FAM20B: variants seen among roughly 807,000 people sequenced by gnomAD.
FAM20B encodes the protein FAM20B glycosaminoglycan xylosylkinase.
In FAM20B, 23 loss-of-function variants were observed where a neutral mutation model predicts 43.8. The ratio of observed to expected loss-of-function variants is 0.53; its 90% CI spans 0.38 to 0.74. The LOEUF is 0.74. Ranked by LOEUF, FAM20B falls within the 30% of genes least tolerant of loss-of-function variation. The pLI is 0.00. For synonymous variants in FAM20B, 178 were observed against 192.4 expected, an observed-to-expected ratio of 0.93 and a Z score of 0.62; for missense variants, 440 against 510.5, an observed-to-expected ratio of 0.86 and a Z score of 1.33.
At chr1:179,060,701 C>T (rs1414499370) in intron 4 of FAM20B, among the ~76,000 whole-genome samples, 4 of 152,044 alleles carry the variant, frequency 2.6e-5, no homozygotes, top group Non-Finnish European at 5.9e-5. Context: ...TTGGGGACCA[C>T]CCATATATAT....
intron 1 of FAM20B, among the ~76,000 whole-genome samples, chr1:179,026,350 C>T (rs980536165): frequency 6.6e-6 from 1 of 152,000 alleles, no homozygotes; most frequent in Admixed American, 6.5e-5. Context: ...TCCCTGTGTG[C>T]GGTCGCGGCT....
chr1:179,053,221 A>G (rs145255080), intron 3 of FAM20B, among the ~76,000 whole-genome samples: 3 of 152,230 alleles, frequency 2.0e-5, no homozygotes, highest in South Asian at 2.1e-4. Flanking sequence ...GTGCCACAGT[A>G]ACATTGCCCC....
chr1:179,025,446 C>G (rs1649713027), upstream of FAM20B, among the ~76,000 whole-genome samples: 2 of 152,194 alleles, frequency 1.3e-5, no homozygotes, highest in African/African-American at 4.8e-5. Context: ...AAGTTCCGAG[C>G]AGAAGTCAAG....
chr1:179,055,563 T>C (rs1424304400), intron 4 of FAM20B, among the ~76,000 whole-genome samples: 1 of 152,194 alleles, frequency 6.6e-6, no homozygotes, highest in African/African-American at 2.4e-5. Context: ...GTATCAGATA[T>C]TTGTTTCAGA....
At chr1:179,035,946 G>A (rs10913676) in intron 1 of FAM20B, among the ~76,000 whole-genome samples, 58,161 of 151,702 alleles carry the variant, frequency 0.38, 11,325 homozygotes, top group Middle Eastern at 0.45. Flanking sequence ...CCTGCCCAAC[G>A]TGGAGAAACC....
chr1:179,040,428 A>T (rs1650441689), intron 1 of FAM20B, among the ~76,000 whole-genome samples: 1 of 143,442 alleles, frequency 7.0e-6, no homozygotes, highest in Non-Finnish European at 1.5e-5. Context: ...ACTTCCCAGT[A>T]GGGGCGGCCG....
At position 179,075,481 on chromosome 1, in the gene FAM20B, C is replaced by A. The variant is rs530884379; in HGVS notation, c.*3337C>A. 6.6e-6 allele frequency: 1 copy of A among 152,584 alleles called. No individual in the cohort carries two copies. The highest frequency in any genetic ancestry group is 1.9e-4 in the East Asian group (1 of 5,186). 9.5% of individuals were successfully genotyped at this position (152,584 alleles called of 1,614,324 possible). Reference sequence around the variant, plus strand: ...ATAAAGGTTTTGTTATAAAACTGTTCTTTAGTGTAAGGCTGCATTGTGGGT... The same window carrying A: ...ATAAAGGTTTTGTTATAAAACTGTTATTTAGTGTAAGGCTGCATTGTGGGT... On this transcript the variant is annotated 3_prime_UTR_variant, in exon 8 of 8. Coordinates refer to ENST00000263733, the MANE Select transcript of FAM20B (RefSeq NM_014864.4).
At position 179,075,303 on chromosome 1, in the gene FAM20B, G is replaced by A. The variant is rs1487158587; in HGVS notation, c.*3159G>A. ...AGTCGTTGCAGGGTTTGGATCAGCT[G>A]TAAGTTAGGTATGCCTACCAAACAT... On this transcript the variant is annotated 3_prime_UTR_variant, in exon 8 of 8. Transcript: ENST00000263733. 3 of 152,124 alleles carry A rather than the reference G, an allele frequency of 2.0e-5. No individual in the cohort carries two copies. The highest frequency in any genetic ancestry group is 4.4e-5 in the Non-Finnish European group (3 of 68,034). The allele number at this position is 152,124 out of a possible 1,614,324, so 9.4% of individuals were successfully genotyped here. A position where few individuals can be genotyped will look rare whatever the true frequency, so the allele number is the denominator to read the frequency against.
intron 4 of FAM20B, among the ~76,000 whole-genome samples, chr1:179,057,559 A>T (rs1171216040): frequency 1.3e-5 from 2 of 152,244 alleles, no homozygotes; most frequent in Non-Finnish European, 2.9e-5. Flanking sequence ...CCCACATTTT[A>T]TACCTAAGAG....
intron 6 of FAM20B, among the ~76,000 whole-genome samples, chr1:179,065,060 A>T (rs1210016833): frequency 6.6e-6 from 1 of 150,774 alleles, no homozygotes; most frequent in Non-Finnish European, 1.5e-5. Context: ...GAATGTCCTT[A>T]TTTTTTTAGG....
intron 1 of FAM20B, among the ~76,000 whole-genome samples, chr1:179,027,385 T>G (rs1405075226): frequency 6.6e-6 from 1 of 152,234 alleles, no homozygotes; most frequent in East Asian, 1.9e-4. Flanking sequence ...TCAAATATGA[T>G]TCGTTATCAC....
chr1:179,022,547 C>CT (rs1356481662), upstream of FAM20B, among the ~76,000 whole-genome samples: 1 of 152,196 alleles, frequency 6.6e-6, no homozygotes, highest in Admixed American at 6.5e-5. Flanking sequence ...CTTGGGATTG[C>CT]TGGACTGTTA....
chr1:179,043,315 G>C (rs1289999359), intron 1 of FAM20B, among the ~76,000 whole-genome samples: 2 of 152,168 alleles, frequency 1.3e-5, no homozygotes, highest in East Asian at 3.9e-4. Context: ...TGCGGGGAGT[G>C]GGGAGAGGCC....
upstream of FAM20B, among the ~76,000 whole-genome samples, chr1:179,023,503 C>A (rs905346755): frequency 1.3e-5 from 2 of 152,182 alleles, no homozygotes; most frequent in African/African-American, 4.8e-5. Flanking sequence ...GGGGTTCCTG[C>A]CAGCTTCTCA....
chr1:179,076,031 C>G lies in FAM20B; in HGVS notation c.*3887C>G, dbSNP rs1652115341. 1 of 152,146 alleles carries G rather than the reference C, an allele frequency of 6.6e-6. No homozygotes were observed. Among genetic ancestry groups the G allele is most frequent in the Non-Finnish European group, 1.5e-5 (1 of 68,024 alleles). 9.4% of individuals were successfully genotyped at this position (152,146 alleles called of 1,614,324 possible). The stretch of plus-strand genomic sequence containing the variant: ...ACATATTTATTTTGACAAAGGGGAA[C>G]ACTGACTTTCTGAAGGATTCAGAAA... On this transcript the variant is annotated 3_prime_UTR_variant, in exon 8 of 8. Coordinates refer to ENST00000263733, the MANE Select transcript of FAM20B (RefSeq NM_014864.4).
rs373674984 is a variant in FAM20B, at chr1:179,043,751, A to G, written c.-97A>G. The G allele has an allele frequency of 5.1e-5, 64 of 1,244,224 alleles. No individual in the cohort carries two copies. The East Asian group carries it at 6.6e-4, about 13-fold the overall frequency. The allele number at this position is 1,244,224 out of a possible 1,614,324, so 77.1% of individuals were successfully genotyped here. A position where few individuals can be genotyped will look rare whatever the true frequency, so the allele number is the denominator to read the frequency against. ...GGTGCATCAGTGAAGAAATGGACCA[A>G]TGTGTATAATCATGGAATCTCCTTG... On this transcript the variant is annotated 5_prime_UTR_variant, in exon 2 of 8. An upstream start codon of the reference 5' UTR is lost. Coordinates refer to ENST00000263733, the MANE Select transcript of FAM20B (RefSeq NM_014864.4).
intron 1 of FAM20B, among the ~76,000 whole-genome samples, chr1:179,037,393 G>A (rs1572532793): frequency 6.6e-6 from 1 of 150,996 alleles, no homozygotes; most frequent in South Asian, 2.1e-4. Flanking sequence ...AGAATCTGCA[G>A]AAGGAAATAG....
intron 1 of FAM20B, chr1:179,035,326 G>T (rs1419643405): frequency 7.4e-6 from 5 of 673,312 alleles, no homozygotes; most frequent in Admixed American, 7.2e-5. Context: ...CTTTGGTGGG[G>T]GTCGTGGGGC....
intron 2 of FAM20B, among the ~76,000 whole-genome samples, chr1:179,049,445 G>T (rs1347370874): frequency 6.6e-6 from 1 of 152,144 alleles, no homozygotes; most frequent in Non-Finnish European, 1.5e-5. Flanking sequence ...CAAAAGCGCT[G>T]TTGCCTTCCC....
Sources: gnomAD v4.1 joint callset for allele counts (sites outside exome capture counted in the v4.1 genomes callset) on GRCh38, gnomAD v4.1.1 for gene constraint, MANE v1.5 for transcripts, NCBI Gene and HGNC (gene_info 2026-07-23, HGNC 2026-07-21) for gene names.